The following CAP2 variants were observed in gnomAD, a reference collection of about 807,000 sequenced individuals.
The protein encoded by CAP2 is adenylyl cyclase-associated protein 2.
CAP2 carries 24 observed loss-of-function variants against 57.7 expected under a neutral mutation model. The observed-to-expected ratio is 0.42, with a 90% CI of 0.30 to 0.58. The LOEUF is 0.58. Ranked by LOEUF, CAP2 falls within the 20% of genes least tolerant of loss-of-function variation. The pLI is 0.22. For missense variants in CAP2, 501 were observed against 590.3 expected, an observed-to-expected ratio of 0.85 and a Z score of 1.57; for synonymous variants, 194 against 207.2, an observed-to-expected ratio of 0.94 and a Z score of 0.55.
At chr6:17,533,163 A>C in intron 7 of CAP2, among the ~76,000 whole-genome samples, 1 of 151,856 alleles carries the variant, frequency 6.6e-6, no homozygotes, top group African/African-American at 2.4e-5. Context: ...GTATTTCAAG[A>C]AGTAACATTT....
chr6:17,436,086 T>TTCTTTCCTTCC (rs1759876688), intron 3 of CAP2, among the ~76,000 whole-genome samples: 1 of 133,904 alleles, frequency 7.5e-6, no homozygotes, highest in African/African-American at 2.9e-5. Flanking sequence ...TCTTTCTTTC[T>TTCTTTCCTTCC]TTCCTTCCTT....
At chr6:17,462,916 A>T in intron 3 of CAP2, 80 bp from the exon 4 acceptor site, 1 of 1,058,056 alleles carries the variant, frequency 9.5e-7, no homozygotes, top group Non-Finnish European at 1.5e-6. Flanking sequence ...GTATATACCT[A>T]CGGGTGGAAT....
chr6:17,433,697 C>G (rs1282920921), intron 3 of CAP2, among the ~76,000 whole-genome samples: 1 of 152,222 alleles, frequency 6.6e-6, no homozygotes, highest in African/African-American at 2.4e-5. Context: ...AGAAAAGTCA[C>G]AGATAGATCA....
chr6:17,472,148 A>C (rs1316707682), intron 4 of CAP2, among the ~76,000 whole-genome samples: 2 of 30,438 alleles, frequency 6.6e-5, no homozygotes, highest in Admixed American at 2.7e-4. Context: ...TCCCGGCTAA[A>C]ATGGTGAAAC....
intron 3 of CAP2, among the ~76,000 whole-genome samples, chr6:17,442,359 C>T (rs1446111097): frequency 6.6e-6 from 1 of 152,202 alleles, no homozygotes; most frequent in Non-Finnish European, 1.5e-5. Flanking sequence ...TGTGGAGCAC[C>T]TGCCCTGATT....
At chr6:17,421,072 A>G (rs28665583) in intron 1 of CAP2, among the ~76,000 whole-genome samples, 14,656 of 152,212 alleles carry the variant, frequency 0.096, 2,358 homozygotes, top group African/African-American at 0.33. Flanking sequence ...GGAACAAAAT[A>G]ATGTCATTTA....
chr6:17,410,285 A>G (rs1356229533), intron 1 of CAP2, among the ~76,000 whole-genome samples: 2 of 152,182 alleles, frequency 1.3e-5, no homozygotes, highest in African/African-American at 4.8e-5. Flanking sequence ...TACTCTGAAG[A>G]GTGCTTCTTA....
At chr6:17,400,574 G>A (rs1241553547) in intron 1 of CAP2, among the ~76,000 whole-genome samples, 1 of 151,962 alleles carries the variant, frequency 6.6e-6, no homozygotes, top group African/African-American at 2.4e-5. Flanking sequence ...AAGAATCACT[G>A]GATTCTTGGC....
intron 3 of CAP2, among the ~76,000 whole-genome samples, chr6:17,445,425 T>A (rs1760231913): frequency 6.6e-6 from 1 of 152,214 alleles, no homozygotes. Flanking sequence ...TATTTTAAAC[T>A]GAAGGTCAGG....
rs142641427 is a variant in CAP2 at position 17,517,844 on chromosome 6, T to C, written c.636+3890T>C. Among the ~76,000 whole-genome samples the C allele has an allele frequency of 1.9e-3, 296 of 152,214 alleles. 1 individual carries two copies. Among genetic ancestry groups the C allele is most frequent in the African/African-American group, 6.5e-3 (271 of 41,530 alleles). Reference sequence around the variant, plus strand: ...TGAACCCGGGAGGCAGTGGTTGTAGTGAGCCGAGATCGTGCCACTGCCCTT... The same window carrying C: ...TGAACCCGGGAGGCAGTGGTTGTAGCGAGCCGAGATCGTGCCACTGCCCTT... On this transcript the variant is annotated intron_variant, in intron 7 of 12. Transcript: ENST00000229922.
chr6:17,489,656 G>C (rs113612950), intron 4 of CAP2, among the ~76,000 whole-genome samples: 2,035 of 151,956 alleles, frequency 0.013, 26 homozygotes, highest in Non-Finnish European at 0.021. Flanking sequence ...CTCTCTGCTT[G>C]CCTGTTTGGA....
At chr6:17,546,349 G>A (rs901945854) in intron 11 of CAP2, among the ~76,000 whole-genome samples, 2 of 152,216 alleles carry the variant, frequency 1.3e-5, no homozygotes, top group African/African-American at 4.8e-5. Context: ...CCTCATTTGA[G>A]AAGTGTCTGT....
At chr6:17,422,539 C>T (rs1022437412) in intron 2 of CAP2, among the ~76,000 whole-genome samples, 8 of 151,716 alleles carry the variant, frequency 5.3e-5, no homozygotes, top group Admixed American at 2.6e-4. Context: ...TTAATAGAGA[C>T]GGGGTTTCAC....
At chr6:17,399,146 C>T (rs1581483507) in intron 1 of CAP2, among the ~76,000 whole-genome samples, 1 of 152,238 alleles carries the variant, frequency 6.6e-6, no homozygotes, top group South Asian at 2.1e-4. Flanking sequence ...TCGCTGCAAC[C>T]TCCGCCTCCC....
At chr6:17,522,837 C>T (rs1762421491) in intron 7 of CAP2, among the ~76,000 whole-genome samples, 1 of 152,172 alleles carries the variant, frequency 6.6e-6, no homozygotes, top group Admixed American at 6.5e-5. Flanking sequence ...ACTCTGTCGC[C>T]AGGCTGGAGT....
chr6:17,403,501 T>C (rs1758869893), intron 1 of CAP2, among the ~76,000 whole-genome samples: 1 of 152,260 alleles, frequency 6.6e-6, no homozygotes, highest in Non-Finnish European at 1.5e-5. Context: ...AAGTTGCTTT[T>C]TATTTACTTT....
At chr6:17,478,933 G>C (rs1761221621) in intron 4 of CAP2, among the ~76,000 whole-genome samples, 1 of 152,124 alleles carries the variant, frequency 6.6e-6, no homozygotes, top group Non-Finnish European at 1.5e-5. Flanking sequence ...TATGCTTTCT[G>C]TCTGTTTTAC....
intron 3 of CAP2, among the ~76,000 whole-genome samples, chr6:17,429,034 C>T (rs1241025296): frequency 2.6e-5 from 4 of 152,168 alleles, no homozygotes; most frequent in African/African-American, 7.2e-5. Flanking sequence ...TTGATATATA[C>T]GAGTTCTGGA....
intron 12 of CAP2, 101 bp from the exon 13 acceptor site, chr6:17,556,258 T>C (rs781105027): frequency 5.0e-6 from 4 of 804,590 alleles, no homozygotes; most frequent in Non-Finnish European, 6.4e-6. Context: ...TTGCCTATCA[T>C]GTGGCACAAA....
Sources: gnomAD v4.1 joint callset for allele counts (sites outside exome capture counted in the v4.1 genomes callset) on GRCh38, gnomAD v4.1.1 for gene constraint, MANE v1.5 for transcripts, NCBI Gene and HGNC (gene_info 2026-07-23, HGNC 2026-07-21) for gene names.